NRROS: variants seen among roughly 807,000 people sequenced by gnomAD.
NRROS encodes negative regulator of reactive oxygen species.
In NRROS, 6 loss-of-function variants were observed where a neutral mutation model predicts 12.0. That is an observed-to-expected ratio of 0.50 (90% confidence interval 0.27 to 0.98). NRROS has a LOEUF of 0.98. Among genes scored for constraint, NRROS ranks in the 50% least tolerant of loss-of-function variants. The pLI, the probability that NRROS is intolerant of heterozygous loss-of-function variation, is 0.11. For synonymous variants in NRROS, 462 were observed against 410.2 expected (o/e 1.13, Z -1.53); for missense variants, 857 against 888.2 (o/e 0.96, Z 0.45).
Position 196,654,692 on chromosome 3 carries a change from A to T in NRROS, c.108+45A>T. On this transcript the variant is annotated intron_variant, in intron 2 of 2. Coordinates refer to ENST00000328557, the MANE Select transcript of NRROS (RefSeq NM_198565.3). This position sits in a 1 kb window ranked among gnomAD's most constrained non-coding sequence, Gnocchi z 4.4. The stretch of plus-strand genomic sequence containing the variant: ...TGATCTGTCGGCTGCTCCTGTCCTG[A>T]CAAGGCTTGGTCCATTTGGAAAGCT... The T allele has an allele frequency of 3.2e-6, 4 of 1,235,962 alleles. No individual in the cohort carries two copies. The highest frequency in any genetic ancestry group is 1.3e-5 in the South Asian group (1 of 77,172). 76.6% of individuals were successfully genotyped at this position (1,235,962 alleles called of 1,614,324 possible).
At chr3:196,641,829 C>T (rs993083078) in intron 1 of NRROS, among the ~76,000 whole-genome samples, 2 of 152,100 alleles carry the variant, frequency 1.3e-5, no homozygotes, top group East Asian at 1.9e-4. Flanking sequence ...TCACATCAGG[C>T]GCAGATCCAT....
At chr3:196,652,379 A>G (rs1181877825) in intron 1 of NRROS, among the ~76,000 whole-genome samples, 1 of 152,212 alleles carries the variant, frequency 6.6e-6, no homozygotes, top group Non-Finnish European at 1.5e-5. Flanking sequence ...GCCCTTTCAC[A>G]TTCATGAGAC....
intron 1 of NRROS, among the ~76,000 whole-genome samples, chr3:196,643,546 C>T (rs974221467): frequency 7.2e-6 from 1 of 139,080 alleles, no homozygotes; most frequent in Non-Finnish European, 1.6e-5. Flanking sequence ...AGAGAAGGAC[C>T]GGGAGGGGAT....
At chr3:196,651,391 C>T (rs965744895) in intron 1 of NRROS, among the ~76,000 whole-genome samples, 1 of 152,080 alleles carries the variant, frequency 6.6e-6, no homozygotes, top group Non-Finnish European at 1.5e-5. Flanking sequence ...GTGGAAAAGG[C>T]TGAGAAAGCA....
rs181596583 is a variant in NRROS at position 196,643,696 on chromosome 3, C to G, written c.-14+3821C>G. ...TGGGTACACATCGTGTTCTCCTAAGCTCATGTCACTCCATTTCAGATGTCA... is the reference window on the plus strand; with the variant it reads ...TGGGTACACATCGTGTTCTCCTAAGGTCATGTCACTCCATTTCAGATGTCA... On this transcript the variant is annotated intron_variant, in intron 1 of 2. Coordinates refer to ENST00000328557, the MANE Select transcript of NRROS (RefSeq NM_198565.3). Among the ~76,000 whole-genome samples the G allele has an allele frequency of 1.6e-3, 247 of 152,370 alleles. 2 individuals are homozygous for G. The highest frequency in any genetic ancestry group is 5.7e-3 in the African/African-American group (237 of 41,596).
intron 1 of NRROS, among the ~76,000 whole-genome samples, chr3:196,648,435 C>T (rs1344455012): frequency 6.6e-6 from 1 of 152,050 alleles, no homozygotes; most frequent in Non-Finnish European, 1.5e-5. Context: ...TTTAAATTTC[C>T]CCAATTGTCT....
chr3:196,660,279 G>A lies in NRROS; in HGVS notation c.636G>A (p.Leu212=), dbSNP rs746384595. 4 of 1,613,814 alleles carry A rather than the reference G, an allele frequency of 2.5e-6. No homozygotes were observed. The African/African-American group carries it at 4.0e-5, about 16-fold the overall frequency. Reference sequence around the variant, plus strand: ...TGGCTGAGCTGAGGCACCTCAACCTGGCCTTCAACAACCTCCCCTGCATCG... The same window carrying A: ...TGGCTGAGCTGAGGCACCTCAACCTAGCCTTCAACAACCTCCCCTGCATCG... ...DGLAELRHLN[L]AFNNLPCIVD... The change falls in exon 3 of 3, where the codon CTG becomes CTA. Residue 212 remains leucine, a synonymous_variant. Transcript: ENST00000328557. The surrounding 1 kb of genome is among the most constrained non-coding windows in gnomAD (Gnocchi z 7.7).
chr3:196,661,471 G>A lies in NRROS; in HGVS notation c.1828G>A (p.Gly610Arg), dbSNP rs142622632. 2.6e-4 allele frequency: 410 copies of A among 1,603,758 alleles called. 3 individuals are homozygous for A. The highest frequency in any genetic ancestry group is 1.3e-3 in the South Asian group (121 of 89,762). ...GVDGWGALQH[G>R]QTVADWAMVT... Reference sequence around the variant, plus strand: ...GGATGGCTGGGGGGCCCTGCAGCATGGGCAGACGGTGGCCGACTGGGCCAT... The same window carrying A: ...GGATGGCTGGGGGGCCCTGCAGCATAGGCAGACGGTGGCCGACTGGGCCAT... The change falls in exon 3 of 3, where the codon GGG becomes AGG. Residue 610 changes from glycine to arginine, a missense_variant. Coordinates refer to ENST00000328557, the MANE Select transcript of NRROS (RefSeq NM_198565.3).
chr3:196,658,129 G>A (rs1737577445), intron 2 of NRROS, among the ~76,000 whole-genome samples: 1 of 152,228 alleles, frequency 6.6e-6, no homozygotes, highest in Admixed American at 6.5e-5. Flanking sequence ...CTATTCATGA[G>A]ATGAATGCAT....
At chr3:196,648,977 A>G (rs527357326) in intron 1 of NRROS, among the ~76,000 whole-genome samples, 25 of 152,256 alleles carry the variant, frequency 1.6e-4, no homozygotes, top group Admixed American at 3.9e-4. Flanking sequence ...GGCTTTCCTC[A>G]TGACTGGATT....
chr3:196,653,736 T>C (rs9850631), intron 1 of NRROS, among the ~76,000 whole-genome samples: 17,102 of 152,218 alleles, frequency 0.11, 986 homozygotes, highest in African/African-American at 0.14. Flanking sequence ...TGGGCCTTTG[T>C]TCACCTGGCA....
At chr3:196,646,878 G>A (rs546793123) in intron 1 of NRROS, among the ~76,000 whole-genome samples, 8 of 152,302 alleles carry the variant, frequency 5.3e-5, no homozygotes, top group East Asian at 1.9e-4. Flanking sequence ...TCGCCGAGCC[G>A]CCGCGTGCCT....
At chr3:196,641,455 T>A (rs1392282379) in intron 1 of NRROS, among the ~76,000 whole-genome samples, 3 of 151,954 alleles carry the variant, frequency 2.0e-5, no homozygotes, top group Non-Finnish European at 2.9e-5. Context: ...GCTCAAGCAA[T>A]CCTCCTGCCT....
Position 196,660,933 on chromosome 3 carries a change from A to C in NRROS, c.1290A>C (p.Thr430=). 1 of 1,613,982 alleles carries C rather than the reference A, an allele frequency of 6.2e-7. No individual in the cohort carries two copies. The highest frequency in any genetic ancestry group is 8.5e-7 in the Non-Finnish European group (1 of 1,180,000). ...GLFANARNIT[T]LDMSHNQISL... is the part of the protein sequence containing the mutation. ...TCGCCAATGCTAGGAACATCACTAC[A>C]CTTGACATGAGCCACAATCAGATCT... Residue 430 remains threonine, a synonymous_variant, in exon 3 of 3, where the codon ACA becomes ACC. Coordinates refer to ENST00000328557, the MANE Select transcript of NRROS (RefSeq NM_198565.3). The surrounding 1 kb of genome is among the most constrained non-coding windows in gnomAD (Gnocchi z 7.7).
At chr3:196,650,421 G>A (rs1027214042) in intron 1 of NRROS, among the ~76,000 whole-genome samples, 1 of 152,182 alleles carries the variant, frequency 6.6e-6, no homozygotes, top group African/African-American at 2.4e-5. Context: ...TGGGATTACA[G>A]GAGTGAGCCA....
intron 1 of NRROS, among the ~76,000 whole-genome samples, chr3:196,645,237 T>C (rs1283949565): frequency 6.6e-6 from 1 of 152,208 alleles, no homozygotes; most frequent in Non-Finnish European, 1.5e-5. Flanking sequence ...GTAAGAGCTT[T>C]GCAGGTGAAC....
In NRROS at chr3:196,659,918, A is replaced by T; in HGVS notation, c.275A>T (p.His92Leu). ...LLESLSLHSC[H>L]LERISRGAFQ... Reference sequence around the variant, plus strand: ...GAGAGCCTCAGCCTGCACAGCTGCCACCTGGAGCGCATCAGCCGCGGCGCC... The same window carrying T: ...GAGAGCCTCAGCCTGCACAGCTGCCTCCTGGAGCGCATCAGCCGCGGCGCC... Residue 92 changes from histidine to leucine, a missense_variant, in exon 3 of 3, where the codon CAC (histidine) becomes CTC (leucine). Coordinates refer to ENST00000328557, the MANE Select transcript of NRROS (RefSeq NM_198565.3). 1 of 1,614,046 alleles carries T rather than the reference A, an allele frequency of 6.2e-7. No homozygotes were observed. The highest frequency in any genetic ancestry group is 8.5e-7 in the Non-Finnish European group (1 of 1,179,976).
chr3:196,658,745 T>C (rs988199388), intron 2 of NRROS, among the ~76,000 whole-genome samples: 2 of 152,198 alleles, frequency 1.3e-5, no homozygotes, highest in African/African-American at 4.8e-5. Flanking sequence ...GGCAGGCAGA[T>C]CACCTGAAGT....
intron 1 of NRROS, among the ~76,000 whole-genome samples, chr3:196,650,785 T>A (rs778522690): frequency 1.3e-5 from 2 of 152,152 alleles, no homozygotes; most frequent in Non-Finnish European, 2.9e-5. Flanking sequence ...CAACACCACA[T>A]CTTCATAGAC....
Sources: allele counts gnomAD v4.1 joint callset (sites outside exome capture counted in the v4.1 genomes callset), GRCh38; gene constraint gnomAD v4.1.1; non-coding constraint Gnocchi (gnomAD v3.1); transcripts MANE v1.5; gene names NCBI Gene and HGNC (gene_info 2026-07-23, HGNC 2026-07-21).